The following UCN3 variants were observed in gnomAD, a reference collection of about 807,000 sequenced individuals.
UCN3 encodes urocortin-3.
In UCN3, 3 loss-of-function variants were observed where a neutral mutation model predicts 3.6. The observed-to-expected ratio is 0.83, with a 90% CI of 0.38 to 2.15. The LOEUF (loss-of-function observed/expected upper bound fraction) is 2.15. UCN3 is among the 30% of genes most tolerant of loss of function. The probability of loss-of-function intolerance (pLI) is 0.06; values close to 1 mark genes in which losing one functional copy is unlikely to be tolerated. For synonymous variants in UCN3, 100 were observed against 93.2 expected, an observed-to-expected ratio of 1.07 and a Z score of -0.42; for missense variants, 206 against 208.3, an observed-to-expected ratio of 0.99 and a Z score of 0.07.
In UCN3 at chr10:5,374,147, C is replaced by T; in HGVS notation, c.427C>T (p.Leu143=). Residue 143 remains leucine, a synonymous_variant, in exon 2 of 2, where the codon CTG becomes TTG. Transcript: ENST00000380433. ...LLFNIAKAKN[L]RAQAAANAHL... ...CTTCAACATCGCCAAGGCCAAGAAC[C>T]TGCGTGCCCAGGCGGCCGCCAATGC... 6.2e-7 allele frequency: 1 copy of T among 1,613,180 alleles called. No individual in the cohort carries two copies. Among genetic ancestry groups the T allele is most frequent in the Non-Finnish European group, 8.5e-7 (1 of 1,179,888 alleles).
In UCN3 at chr10:5,374,556, C is replaced by T; in HGVS notation, c.*350C>T. On this transcript the variant is annotated 3_prime_UTR_variant, in exon 2 of 2. Transcript: ENST00000380433. The stretch of plus-strand genomic sequence containing the variant: ...CAGTCTTCTCTCTGTTGACCCCATG[C>T]CTGAGAAGAGAGCGTTCAGGGCTCC... 4.5e-6 allele frequency: 1 copy of T among 222,122 alleles called. No homozygotes were observed. The highest frequency in any genetic ancestry group is 7.9e-5 in the South Asian group (1 of 12,646). The allele number at this position is 222,122 out of a possible 1,614,324, so 13.8% of individuals were successfully genotyped here.
rs1399044128 is a variant in UCN3, at chr10:5,370,754, T to C, written c.-6-2961T>C. 2.7e-4 allele frequency among the ~76,000 whole-genome samples: 33 copies of C among 122,984 alleles called. 1 individual carries two copies. Among genetic ancestry groups the C allele is most frequent in the Admixed American group, 8.6e-4 (10 of 11,600 alleles). The allele number at this position is 122,984 out of a possible 152,430, so 80.7% of individuals were successfully genotyped here. A position where few individuals can be genotyped will look rare whatever the true frequency, so the allele number is the denominator to read the frequency against. The stretch of plus-strand genomic sequence containing the variant: ...TGTGTATATGTGTGTGTATATGATG[T>C]GTGTGTATATGCGTGTGTATATGCG... On this transcript the variant is annotated intron_variant, in intron 1 of 1. Transcript: ENST00000380433.
chr10:5,373,661 C>A, intron 1 of UCN3, 54 bp from the exon 2 acceptor site: 1 of 1,570,630 alleles, frequency 6.4e-7, no homozygotes, highest in Non-Finnish European at 8.6e-7. Flanking sequence ...CCAGGTCCTC[C>A]AGAGCACCAC....
In UCN3 at chr10:5,370,863, G is replaced by GCA. The variant is rs1564443698; in HGVS notation, c.-6-2852_-6-2851insCA. Among the ~76,000 whole-genome samples the GCA allele has an allele frequency of 8.8e-5, 10 of 113,074 alleles. 2 individuals are homozygous for GCA. The highest frequency in any genetic ancestry group is 3.5e-4 in the African/African-American group (10 of 28,624). The allele number at this position is 113,074 out of a possible 152,430, so 74.2% of individuals were successfully genotyped here. On this transcript the variant is annotated intron_variant, in intron 1 of 1. Coordinates refer to ENST00000380433, the MANE Select transcript of UCN3 (RefSeq NM_053049.4). ...CGCGTGTGTGTGCGCGTGTGTGTGCGTGTGTATGTGTGTGTATATGCGTGT... is the reference window on the plus strand; with the variant it reads ...CGCGTGTGTGTGCGCGTGTGTGTGCGCATGTGTATGTGTGTGTATATGCGTGT...
intron 1 of UCN3, among the ~76,000 whole-genome samples, chr10:5,370,143 GCGTGTGTATATGTGTGTGTATA>G (rs1831341308): frequency 6.5e-5 from 3 of 46,074 alleles, no homozygotes; most frequent in African/African-American, 1.2e-4. Context: ...GTGTGTGTAT[GCGTGTGTATATGTGTGTGTATA>G]TGTGTGTGTA....
chr10:5,373,241 T>C (rs1270830953), intron 1 of UCN3, among the ~76,000 whole-genome samples: 1 of 152,186 alleles, frequency 6.6e-6, no homozygotes, highest in Non-Finnish European at 1.5e-5. Flanking sequence ...CGCCCAGCCA[T>C]GGTCTTTAAG....
chr10:5,374,469 T>G lies in UCN3; in HGVS notation c.*263T>G. ...ACAAAGCAGCTAACGTTCCTCCCTG[T>G]ACTCAGCGTCTCCTTCCTCCCTCCC... On this transcript the variant is annotated 3_prime_UTR_variant, in exon 2 of 2. Transcript: ENST00000380433. The G allele has an allele frequency of 1.2e-5, 5 of 405,468 alleles. No homozygotes were observed. Among genetic ancestry groups the G allele is most frequent in the Non-Finnish European group, 2.3e-5 (5 of 220,310 alleles). The allele number at this position is 405,468 out of a possible 1,614,324, so 25.1% of individuals were successfully genotyped here.
Position 5,373,785 on chromosome 10 carries a change from TC to T in UCN3, c.70del (p.His24ThrfsTer31), listed in dbSNP as rs2119114244. On this transcript the variant is annotated frameshift_variant, in exon 2 of 2. Coordinates refer to ENST00000380433, the MANE Select transcript of UCN3 (RefSeq NM_053049.4). LOFTEE classifies it low-confidence loss of function (END_TRUNC). ...CTCCTGGGGGGCCCCAGGACAGGCCTCCCCCACAAGTTCTACAAAGCCAAGC... is the reference window on the plus strand; with the variant it reads ...CTCCTGGGGGGCCCCAGGACAGGCCTCCCCACAAGTTCTACAAAGCCAAGC... ...LLLLGGPRTG[L>X]PHKFYKAKPI... is the part of the protein sequence containing the mutation. The T allele has an allele frequency of 6.2e-7, 1 of 1,613,746 alleles. No homozygotes were observed. Among genetic ancestry groups the T allele is most frequent in the Non-Finnish European group, 8.5e-7 (1 of 1,179,878 alleles).
rs1447414085 is a variant in UCN3 at position 5,370,422 on chromosome 10, TATGC to T, written c.-6-3292_-6-3289del. Among the ~76,000 whole-genome samples, 2 of 97,234 alleles carry T rather than the reference TATGC, an allele frequency of 2.1e-5. 1 individual carries two copies. The highest frequency in any genetic ancestry group is 4.2e-5 in the Non-Finnish European group (2 of 47,470). 63.8% of individuals were successfully genotyped at this position (97,234 alleles called of 152,430 possible). A position where few individuals can be genotyped will look rare whatever the true frequency, so the allele number is the denominator to read the frequency against. On this transcript the variant is annotated intron_variant, in intron 1 of 1. Coordinates refer to ENST00000380433, the MANE Select transcript of UCN3 (RefSeq NM_053049.4). ...ATGTGTGTGTATATGTGTGTGTGTATATGCGTGTGTATATGCGTGTGTATGTGTG... is the reference window on the plus strand; with the variant it reads ...ATGTGTGTGTATATGTGTGTGTGTATGTGTGTATATGCGTGTGTATGTGTG...
chr10:5,370,498 T>C (rs1422574166), intron 1 of UCN3, among the ~76,000 whole-genome samples: 1 of 120,812 alleles, frequency 8.3e-6, no homozygotes, highest in Non-Finnish European at 1.7e-5. Context: ...TATGTGTGTG[T>C]ATATGCGTGT....
intron 1 of UCN3, among the ~76,000 whole-genome samples, chr10:5,370,751 ATGTGTGTGTATATGCGTGTGTATATGCG>A (rs1564443471): frequency 1.4e-5 from 1 of 72,888 alleles, no homozygotes; most frequent in African/African-American, 6.1e-5. Flanking sequence ...TGTGTATATG[ATGTGTGTGTATATGCGTGTGTATATGCG>A]TGTGTGTGTG....
intron 1 of UCN3, among the ~76,000 whole-genome samples, chr10:5,372,048 G>A (rs1201013650): frequency 2.0e-5 from 3 of 152,254 alleles, no homozygotes; most frequent in African/African-American, 7.2e-5. Flanking sequence ...GGGGCCCGCA[G>A]ACGGCAGCCG....
chr10:5,373,036 C>T (rs1452731658), intron 1 of UCN3, among the ~76,000 whole-genome samples: 3 of 152,062 alleles, frequency 2.0e-5, no homozygotes, highest in Non-Finnish European at 2.9e-5. Context: ...TGAGGTCCTG[C>T]GGTTGGAGGA....
rs1459353752 is a variant in UCN3 at position 5,374,477 on chromosome 10, G to T, written c.*271G>T. On this transcript the variant is annotated 3_prime_UTR_variant, in exon 2 of 2. Transcript: ENST00000380433. ...GCTAACGTTCCTCCCTGTACTCAGC[G>T]TCTCCTTCCTCCCTCCCCACAGCAA... 5 of 381,038 alleles carry T rather than the reference G, an allele frequency of 1.3e-5. No individual in the cohort carries two copies. The highest frequency in any genetic ancestry group is 8.2e-5 in the African/African-American group (4 of 48,850). The allele number at this position is 381,038 out of a possible 1,614,324, so 23.6% of individuals were successfully genotyped here. A position where few individuals can be genotyped will look rare whatever the true frequency, so the allele number is the denominator to read the frequency against.
intron 1 of UCN3, 29 bp from the exon 2 acceptor site, chr10:5,373,686 C>A: frequency 6.2e-7 from 1 of 1,605,214 alleles, no homozygotes; most frequent in South Asian, 1.1e-5. Context: ...CTCCCATGCC[C>A]CTGCCCACAT....
At chr10:5,370,405 GTA>G (rs1184175198) in intron 1 of UCN3, among the ~76,000 whole-genome samples, 2 of 98,570 alleles carry the variant, frequency 2.0e-5, no homozygotes, top group African/African-American at 8.8e-5. Flanking sequence ...ATATGTGTGT[GTA>G]TATGTGTGTG....
rs1554811142 is a variant in UCN3, at chr10:5,370,203, GCGTGTGTA to G, written c.-6-3511_-6-3504del. 4.6e-3 allele frequency among the ~76,000 whole-genome samples: 250 copies of G among 54,342 alleles called. 56 individuals carry two copies. Among genetic ancestry groups the G allele is most frequent in the African/African-American group, 5.6e-3 (59 of 10,482 alleles). 35.7% of individuals were successfully genotyped at this position (54,342 alleles called of 152,430 possible). On this transcript the variant is annotated intron_variant, in intron 1 of 1. Transcript: ENST00000380433. ...TGCGTGTGTATATGCGTGTGTATAT[GCGTGTGTA>G]TGTGTGTGTATGTGCGTGTGTGTAT...
chr10:5,370,536 TATGC>T (rs1831373572), intron 1 of UCN3, among the ~76,000 whole-genome samples: 2 of 106,212 alleles, frequency 1.9e-5, no homozygotes, highest in African/African-American at 7.8e-5. Context: ...TGTGTGTGTA[TATGC>T]GTGTATATGT....
rs1246492888 is a variant in UCN3 at position 5,366,152 on chromosome 10, T to C, written c.-7+922T>C. Among the ~76,000 whole-genome samples the C allele has an allele frequency of 6.6e-6, 1 of 152,216 alleles. No individual in the cohort carries two copies. The highest frequency in any genetic ancestry group is 1.5e-5 in the Non-Finnish European group (1 of 68,034). ...CTGTTTGCCTCCTGCCTTTGCTGCT[T>C]CATGTCCTGTCCTCTCCCTGTGAGG... is the stretch of plus-strand genomic sequence containing the variant. On this transcript the variant is annotated intron_variant, in intron 1 of 1. Transcript: ENST00000380433. This position sits in a 1 kb window ranked among gnomAD's most constrained non-coding sequence, Gnocchi z 4.2.
Sources: allele counts gnomAD v4.1 joint callset (sites outside exome capture counted in the v4.1 genomes callset), GRCh38; gene constraint gnomAD v4.1.1; non-coding constraint Gnocchi (gnomAD v3.1); transcripts MANE v1.5; gene names NCBI Gene and HGNC (gene_info 2026-07-23, HGNC 2026-07-21).